The following SEMA3A variants were observed in gnomAD, a reference collection of about 807,000 sequenced individuals.
SEMA3A encodes semaphorin-3A.
Under a neutral mutation model 97.9 loss-of-function variants are expected in SEMA3A, and 29 were observed. The ratio of observed to expected loss-of-function variants is 0.30; its 90% CI spans 0.22 to 0.40. The LOEUF is 0.40. Ranked by LOEUF, SEMA3A falls within the 10% of genes least tolerant of loss-of-function variation. SEMA3A has a pLI of 1.00. For missense variants in SEMA3A, 763 were observed against 951.3 expected (o/e 0.80, Z 2.60); for synonymous variants, 321 against 323.7 (o/e 0.99, Z 0.09).
intron 4 of SEMA3A, among the ~76,000 whole-genome samples, chr7:84,063,665 A>G (rs1435445132): frequency 6.6e-6 from 1 of 151,660 alleles, no homozygotes; most frequent in African/African-American, 2.4e-5. Flanking sequence ...AAGAAAGGGT[A>G]TCAGCGATGG....
intron 1 of SEMA3A, among the ~76,000 whole-genome samples, chr7:84,172,406 T>C (rs1343689476): frequency 6.6e-6 from 1 of 152,142 alleles, no homozygotes; most frequent in East Asian, 1.9e-4. Flanking sequence ...TTGATTTTGC[T>C]TTCAGCCACT....
chr7:84,308,878 C>T lies in SEMA3A; in HGVS notation c.-168-1586G>A, dbSNP rs191339730. On this transcript the variant is annotated intron_variant, in intron 2 of 3. Coordinates refer to the SEMA3A transcript ENST00000424555. ...TGTCACCCAGGCTGGAGTGCAATGG[C>T]GCCGTCTCAGCTCACTGCAATCTCC... 7.0e-3 allele frequency among the ~76,000 whole-genome samples: 1,033 copies of T among 148,462 alleles called. 7 individuals carry two copies. The highest frequency in any genetic ancestry group is 8.7e-3 in the African/African-American group (348 of 40,044).
chr7:84,317,914 C>T lies in SEMA3A; in HGVS notation c.-168-10622G>A, dbSNP rs558289112. Among the ~76,000 whole-genome samples the T allele has an allele frequency of 1.2e-3, 182 of 152,068 alleles. 1 individual carries two copies. Among genetic ancestry groups the T allele is most frequent in the Admixed American group, 5.2e-3 (79 of 15,278 alleles). On this transcript the variant is annotated intron_variant, in intron 2 of 3. Transcript: ENST00000424555. The stretch of plus-strand genomic sequence containing the variant: ...ATTTGTTTCTTAAAATTCAATTTAT[C>T]TAGAGACAACTGGTGTATTGTTATG...
intron 1 of SEMA3A, among the ~76,000 whole-genome samples, chr7:84,484,545 TCACACACACA>T (rs10573589): frequency 6.7e-6 from 1 of 149,422 alleles, no homozygotes; most frequent in Non-Finnish European, 1.5e-5. Flanking sequence ...TTGTTCACTT[TCACACACACA>T]CACACACACA....
intron 1 of SEMA3A, among the ~76,000 whole-genome samples, chr7:84,389,820 T>C (rs914908586): frequency 6.6e-6 from 1 of 152,116 alleles, no homozygotes; most frequent in Admixed American, 6.5e-5. Context: ...AGGACTAGAA[T>C]GAAGGAGTGT....
intron 1 of SEMA3A, among the ~76,000 whole-genome samples, chr7:84,462,269 A>G (rs547990129): frequency 6.6e-6 from 1 of 152,162 alleles, no homozygotes; most frequent in Non-Finnish European, 1.5e-5. Flanking sequence ...CTCAGCAAAT[A>G]TTACATTTTC....
chr7:84,068,078 G>C (rs1463316705), intron 4 of SEMA3A, among the ~76,000 whole-genome samples: 2 of 121,186 alleles, frequency 1.7e-5, no homozygotes, highest in Non-Finnish European at 3.3e-5. Flanking sequence ...ATACACCATG[G>C]AATACTATGC....
chr7:84,067,534 G>A (rs1793565581), intron 4 of SEMA3A, among the ~76,000 whole-genome samples: 1 of 151,828 alleles, frequency 6.6e-6, no homozygotes, highest in South Asian at 2.1e-4. Flanking sequence ...CTGACAAAGG[G>A]CTAATATCCA....
chr7:84,022,881 G>A (rs1263663810), intron 6 of SEMA3A, among the ~76,000 whole-genome samples: 1 of 152,190 alleles, frequency 6.6e-6, no homozygotes, highest in Non-Finnish European at 1.5e-5. Context: ...CATAGTGGAA[G>A]CTGAACAAAC....
intron 1 of SEMA3A, among the ~76,000 whole-genome samples, chr7:84,452,672 C>T (rs1805588705): frequency 6.6e-6 from 1 of 152,174 alleles, no homozygotes; most frequent in Non-Finnish European, 1.5e-5. Flanking sequence ...GTTAGACACT[C>T]ACAGGACAAC....
chr7:84,027,078 T>C (rs1054834435), intron 6 of SEMA3A, among the ~76,000 whole-genome samples: 2 of 152,200 alleles, frequency 1.3e-5, no homozygotes, highest in African/African-American at 4.8e-5. Context: ...AATAATTTTC[T>C]TCCAAATCAA....
intron 3 of SEMA3A, among the ~76,000 whole-genome samples, chr7:84,203,076 TA>T (rs1798394296): frequency 6.6e-6 from 1 of 152,172 alleles, no homozygotes; most frequent in African/African-American, 2.4e-5. Flanking sequence ...TGTATTCCCC[TA>T]AAGCTAATCT....
intron 1 of SEMA3A, among the ~76,000 whole-genome samples, chr7:84,412,733 G>A (rs796327486): frequency 3.3e-5 from 5 of 152,224 alleles, no homozygotes; most frequent in African/African-American, 9.6e-5. Context: ...GATTGTTAAA[G>A]CTTCTAAACT....
chr7:84,435,566 C>A (rs1283488687), intron 1 of SEMA3A, among the ~76,000 whole-genome samples: 1 of 152,178 alleles, frequency 6.6e-6, no homozygotes, highest in Non-Finnish European at 1.5e-5. Context: ...CAAGATCGGG[C>A]CAATGCCCTC....
At chr7:84,130,148 G>GA (rs1795922019) in intron 2 of SEMA3A, among the ~76,000 whole-genome samples, 1 of 151,838 alleles carries the variant, frequency 6.6e-6, no homozygotes, top group South Asian at 2.1e-4. Context: ...ATTTCAGTGG[G>GA]AAAAAAGTCA....
rs543723949 is a variant in SEMA3A at position 84,066,284 on chromosome 7, G to A, written c.454-5726C>T. On this transcript the variant is annotated intron_variant, in intron 4 of 16. Coordinates refer to ENST00000265362, the MANE Select transcript of SEMA3A (RefSeq NM_006080.3). ...TGGGACGTATTTCAAAATAATAAGA[G>A]CTATCTATGACAAACCCACATCCAA... Among the ~76,000 whole-genome samples the A allele has an allele frequency of 2.6e-5, 4 of 152,098 alleles. No homozygotes were observed. In the East Asian group the frequency reaches 5.8e-4, roughly 22 times the overall value.
At chr7:84,337,833 A>G (rs1349966658) in intron 2 of SEMA3A, among the ~76,000 whole-genome samples, 2 of 152,150 alleles carry the variant, frequency 1.3e-5, no homozygotes, top group Non-Finnish European at 2.9e-5. Flanking sequence ...GCATTCTCAA[A>G]GAAAGAACAA....
intron 3 of SEMA3A, among the ~76,000 whole-genome samples, chr7:84,299,929 G>A (rs1800965331): frequency 6.7e-6 from 1 of 150,258 alleles, no homozygotes; most frequent in African/African-American, 2.5e-5. Flanking sequence ...CTGCTTGGCA[G>A]GCTGAGGCAG....
chr7:84,044,999 G>T (rs1234447986), intron 6 of SEMA3A, among the ~76,000 whole-genome samples: 2 of 152,008 alleles, frequency 1.3e-5, no homozygotes, highest in African/African-American at 4.8e-5. Context: ...GGAGGGAAGA[G>T]ATGCTGATTG....
Sources: gnomAD v4.1 joint callset for allele counts (sites outside exome capture counted in the v4.1 genomes callset) on GRCh38, gnomAD v4.1.1 for gene constraint, MANE v1.5 for transcripts, NCBI Gene and HGNC (gene_info 2026-07-23, HGNC 2026-07-21) for gene names.